The following ROBO2 variants were observed in gnomAD, a reference collection of about 807,000 sequenced individuals.
The protein encoded by ROBO2 is roundabout homolog 2.
ROBO2 carries 53 observed loss-of-function variants against 160.8 expected under a neutral mutation model. The ratio of observed to expected loss-of-function variants is 0.33; its 90% CI spans 0.26 to 0.41. ROBO2 has a LOEUF of 0.41. Ranked by LOEUF, ROBO2 falls within the 10% of genes least tolerant of loss-of-function variation. ROBO2 has a pLI of 1.00. For synonymous variants in ROBO2, 664 were observed against 611.7 expected, an observed-to-expected ratio of 1.09 and a Z score of -1.26; for missense variants, 1,577 against 1,722.4, an observed-to-expected ratio of 0.92 and a Z score of 1.49.
chr3:77,127,037 C>G (rs1013459050), intron 2 of ROBO2, among the ~76,000 whole-genome samples: 1 of 151,170 alleles, frequency 6.6e-6, no homozygotes, highest in African/African-American at 2.5e-5. Flanking sequence ...GATCCGCCCG[C>G]CTTGGCCTCC....
intron 2 of ROBO2, among the ~76,000 whole-genome samples, chr3:77,322,439 TGTC>T (rs1025865852): frequency 4.6e-5 from 7 of 152,124 alleles, no homozygotes; most frequent in African/African-American, 1.7e-4. Flanking sequence ...AATTTCAAGT[TGTC>T]AGTCCTAATT....
At chr3:77,561,831 C>T (rs369081602) in intron 9 of ROBO2, among the ~76,000 whole-genome samples, 25 of 152,058 alleles carry the variant, frequency 1.6e-4, no homozygotes, top group Middle Eastern at 6.8e-3. Flanking sequence ...TGGCTGGGCA[C>T]GGTGGCTCAC....
At chr3:77,294,029 T>G (rs1190744911) in intron 2 of ROBO2, among the ~76,000 whole-genome samples, 4 of 129,010 alleles carry the variant, frequency 3.1e-5, no homozygotes, top group African/African-American at 6.5e-5. Flanking sequence ...CACCCAGACA[T>G]AAAGTAAAAT....
intron 1 of ROBO2, among the ~76,000 whole-genome samples, chr3:75,925,618 T>C (rs1947263767): frequency 6.6e-6 from 1 of 152,196 alleles, no homozygotes; most frequent in Non-Finnish European, 1.5e-5. Flanking sequence ...AGTTTTGAGA[T>C]AGCTTGAGTT....
Position 76,292,513 on chromosome 3 carries a change from T to G in ROBO2, c.109+354911T>G, listed in dbSNP as rs557564650. Among the ~76,000 whole-genome samples, 9 of 152,316 alleles carry G rather than the reference T, an allele frequency of 5.9e-5. 2 individuals carry two copies. Among genetic ancestry groups the G allele is most frequent in the African/African-American group, 2.2e-4 (9 of 41,572 alleles). ...AATGTAGACTCTCTATTCCACCCAT[T>G]CTATCCTTTTACTTCCATGTGTGGT... is the stretch of plus-strand genomic sequence containing the variant. On this transcript the variant is annotated intron_variant, in intron 2 of 26. Coordinates refer to the ROBO2 transcript ENST00000487694.
chr3:77,616,915 G>A (rs1050238018), intron 21 of ROBO2, among the ~76,000 whole-genome samples: 5 of 152,082 alleles, frequency 3.3e-5, no homozygotes, highest in African/African-American at 1.2e-4. Flanking sequence ...ATAGGGCAAG[G>A]TTTTGAACTC....
At chr3:77,630,912 C>T (rs1384922839) in intron 23 of ROBO2, 1 of 150,864 alleles carries the variant, frequency 6.6e-6, no homozygotes, top group African/African-American at 2.4e-5. Context: ...TCCTCCGTTC[C>T]AGAGTTTCAT....
At chr3:76,139,120 C>G (rs1354278553) in intron 2 of ROBO2, among the ~76,000 whole-genome samples, 1 of 152,086 alleles carries the variant, frequency 6.6e-6, no homozygotes, top group African/African-American at 2.4e-5. Flanking sequence ...TAAATGATAA[C>G]AAACCCTGCT....
chr3:76,572,686 T>C (rs77807196), intron 2 of ROBO2, among the ~76,000 whole-genome samples: 84 of 152,260 alleles, frequency 5.5e-4, no homozygotes, highest in African/African-American at 1.6e-3. Context: ...AAGTATAGAT[T>C]GACATCCTTC....
chr3:76,666,019 T>TATA (rs1560336230), intron 2 of ROBO2, among the ~76,000 whole-genome samples: 1 of 122,516 alleles, frequency 8.2e-6, no homozygotes, highest in Non-Finnish European at 1.8e-5. Flanking sequence ...ATACATATTA[T>TATA]ATATTATATA....
chr3:76,394,815 G>T (rs1464320365), intron 2 of ROBO2, among the ~76,000 whole-genome samples: 2 of 152,096 alleles, frequency 1.3e-5, no homozygotes, highest in Admixed American at 1.3e-4. Flanking sequence ...GGAGGACCCA[G>T]ATTCATAAAG....
intron 2 of ROBO2, among the ~76,000 whole-genome samples, chr3:76,028,018 G>C (rs1379801344): frequency 6.6e-6 from 1 of 151,760 alleles, no homozygotes; most frequent in Non-Finnish European, 1.5e-5. Context: ...TAGGCTATTG[G>C]CAAAAAGTGT....
intron 2 of ROBO2, among the ~76,000 whole-genome samples, chr3:76,667,500 A>G (rs879764088): frequency 6.6e-6 from 1 of 152,192 alleles, no homozygotes; most frequent in Non-Finnish European, 1.5e-5. Context: ...AGTAGTGGTC[A>G]GAAAGACCAG....
chr3:76,020,494 T>G (rs1039249773), intron 2 of ROBO2, among the ~76,000 whole-genome samples: 1 of 151,796 alleles, frequency 6.6e-6, no homozygotes, highest in African/African-American at 2.4e-5. Context: ...ATTTCCCTCT[T>G]TATTCTTTTA....
At chr3:76,857,631 G>C (rs148233990) in intron 2 of ROBO2, among the ~76,000 whole-genome samples, 37 of 152,258 alleles carry the variant, frequency 2.4e-4, no homozygotes, top group African/African-American at 8.9e-4. Context: ...GGTGATGGTG[G>C]TGGCTGTTTT....
At chr3:77,428,443 A>G (rs952468594) in intron 2 of ROBO2, among the ~76,000 whole-genome samples, 175 of 135,652 alleles carry the variant, frequency 1.3e-3, no homozygotes, top group Non-Finnish European at 2.3e-3. Flanking sequence ...TGCAAGCTCC[A>G]CTTCCCGGGT....
At position 76,013,542 on chromosome 3, in the gene ROBO2, C is replaced by G. The variant is rs184339352; in HGVS notation, c.109+75940C>G. On this transcript the variant is annotated intron_variant, in intron 2 of 26. Coordinates refer to the ROBO2 transcript ENST00000487694. ...GCACTGTGGTTTATGCGTGTAATCC[C>G]AGAAGTAATATGTATAAAGGCAATT... 3.1e-3 allele frequency among the ~76,000 whole-genome samples: 467 copies of G among 151,250 alleles called. 5 individuals are homozygous for G. Among genetic ancestry groups the G allele is most frequent in the African/African-American group, 0.011 (460 of 41,194 alleles).
chr3:76,315,902 A>G (rs1460281188), intron 2 of ROBO2, among the ~76,000 whole-genome samples: 1 of 152,148 alleles, frequency 6.6e-6, no homozygotes, highest in African/African-American at 2.4e-5. Flanking sequence ...CCGGTCTGAG[A>G]AATAAAGAGA....
At chr3:76,554,387 GGTT>G (rs1358146158) in intron 2 of ROBO2, among the ~76,000 whole-genome samples, 3 of 151,902 alleles carry the variant, frequency 2.0e-5, no homozygotes, top group African/African-American at 7.3e-5. Flanking sequence ...GGCTTTTTTT[GGTT>G]GTTTACGCTT....
Sources: gnomAD v4.1 joint callset for allele counts (sites outside exome capture counted in the v4.1 genomes callset) on GRCh38, gnomAD v4.1.1 for gene constraint, MANE v1.5 for transcripts, NCBI Gene and HGNC (gene_info 2026-07-23, HGNC 2026-07-21) for gene names.